The following ARFGEF1 variants were observed in gnomAD, a reference collection of about 807,000 sequenced individuals.
The protein encoded by ARFGEF1 is brefeldin A-inhibited guanine nucleotide-exchange protein 1.
ARFGEF1 carries 42 observed loss-of-function variants against 231.0 expected under a neutral mutation model. The ratio of observed to expected loss-of-function variants is 0.18; its 90% CI spans 0.14 to 0.24. The LOEUF (loss-of-function observed/expected upper bound fraction) is 0.24, where lower values mean the gene tolerates loss of function less well. ARFGEF1 is among the 10% of genes least tolerant of loss of function. The pLI, the probability that ARFGEF1 is intolerant of heterozygous loss-of-function variation, is 1.00. For missense variants in ARFGEF1, 1,345 were observed against 2,192.0 expected (o/e 0.61, Z 7.72); for synonymous variants, 710 against 732.3 (o/e 0.97, Z 0.49).
chr8:67,280,900 G>C (rs1272793947), intron 7 of ARFGEF1, among the ~76,000 whole-genome samples: 2 of 152,148 alleles, frequency 1.3e-5, no homozygotes, highest in Non-Finnish European at 2.9e-5. Flanking sequence ...GCTCAAAAGT[G>C]AAGACAAAAG....
intron 10 of ARFGEF1, among the ~76,000 whole-genome samples, chr8:67,269,685 T>G (rs767640421): frequency 6.6e-6 from 1 of 152,082 alleles, no homozygotes; most frequent in Non-Finnish European, 1.5e-5. Flanking sequence ...TGTATAACAT[T>G]TTTGAAAGTA....
chr8:67,250,515 G>T (rs1840248381), intron 19 of ARFGEF1, among the ~76,000 whole-genome samples: 1 of 152,158 alleles, frequency 6.6e-6, no homozygotes, highest in Non-Finnish European at 1.5e-5. Flanking sequence ...GAAGAGGTAG[G>T]AGTAATTACA....
At chr8:67,244,192 G>A (rs1310581444) in intron 19 of ARFGEF1, among the ~76,000 whole-genome samples, 6 of 142,878 alleles carry the variant, frequency 4.2e-5, no homozygotes, top group South Asian at 2.3e-4. Flanking sequence ...GCAATGAGCC[G>A]GGATCATGCC....
chr8:67,305,663 A>T (rs1472399713), intron 1 of ARFGEF1, among the ~76,000 whole-genome samples: 2 of 152,168 alleles, frequency 1.3e-5, no homozygotes. Context: ...TTCTAGTCTT[A>T]AACTAGTGTA....
chr8:67,227,778 C>G (rs541848460), intron 25 of ARFGEF1, among the ~76,000 whole-genome samples, 180 bp from the exon 26 acceptor site: 2 of 151,866 alleles, frequency 1.3e-5, no homozygotes, highest in African/African-American at 4.8e-5. Flanking sequence ...TATTTTAAAT[C>G]AAATTCTTAA....
intron 5 of ARFGEF1, 89 bp from the exon 6 acceptor site, chr8:67,292,212 G>A: frequency 8.9e-7 from 1 of 1,121,704 alleles, no homozygotes; most frequent in Non-Finnish European, 1.3e-6. Context: ...CTTTCTATAA[G>A]GTGCCATTCT....
chr8:67,320,651 C>T (rs956021524), intron 1 of ARFGEF1, among the ~76,000 whole-genome samples: 1 of 152,136 alleles, frequency 6.6e-6, no homozygotes, highest in Non-Finnish European at 1.5e-5. Context: ...CATCCATACA[C>T]TCAGCAGTAA....
intron 1 of ARFGEF1, among the ~76,000 whole-genome samples, chr8:67,316,489 T>G (rs1587301287): frequency 6.6e-6 from 1 of 150,848 alleles, no homozygotes; most frequent in South Asian, 2.1e-4. Flanking sequence ...TGAGACGGGG[T>G]CCACTCTGTT....
At chr8:67,290,675 A>G (rs1805968792) in intron 6 of ARFGEF1, among the ~76,000 whole-genome samples, 2 of 152,284 alleles carry the variant, frequency 1.3e-5, no homozygotes, top group South Asian at 4.1e-4. Context: ...AAAAATAAAT[A>G]AAGTCCCAGC....
chr8:67,211,410 AAAGT>A (rs1216333026), intron 34 of ARFGEF1, 69 bp downstream of exon 34: 2 of 1,223,382 alleles, frequency 1.6e-6, no homozygotes, highest in Non-Finnish European at 2.2e-6. Context: ...GTTAATAATA[AAAGT>A]AAAACCAAAA....
rs761920095 is a variant in ARFGEF1 at position 67,253,630 on chromosome 8, T to C, written c.2527-8A>G. 1.4e-6 allele frequency: 2 copies of C among 1,388,096 alleles called. No homozygotes were observed. Among genetic ancestry groups the C allele is most frequent in the Non-Finnish European group, 1.9e-6 (2 of 1,031,318 alleles). 86.0% of individuals were successfully genotyped at this position (1,388,096 alleles called of 1,614,324 possible). A position where few individuals can be genotyped will look rare whatever the true frequency, so the allele number is the denominator to read the frequency against. On this transcript the variant is annotated splice_polypyrimidine_tract_variant and splice_region_variant and intron_variant, in intron 17 of 38. Transcript: ENST00000262215. ...TGTCATTTTATTTTTCACCTAGATA[T>C]GAAAAACCATTATAATTCCTAAAAA...
At chr8:67,236,365 A>AAAAAAAATAT (rs1554638966) in intron 22 of ARFGEF1, among the ~76,000 whole-genome samples, 1 of 29,062 alleles carries the variant, frequency 3.4e-5, no homozygotes, top group Non-Finnish European at 5.9e-5. Context: ...AAAAAAAAAA[A>AAAAAAAATAT]ATATATATAT....
intron 5 of ARFGEF1, among the ~76,000 whole-genome samples, chr8:67,176,798 G>C (rs994120174): frequency 2.0e-5 from 3 of 152,094 alleles, no homozygotes; most frequent in African/African-American, 7.2e-5. Context: ...CTGGCCAGGC[G>C]TGGTGGCTCA....
At chr8:67,265,785 G>A (rs903052411) in intron 14 of ARFGEF1, among the ~76,000 whole-genome samples, 1 of 152,044 alleles carries the variant, frequency 6.6e-6, no homozygotes, top group African/African-American at 2.4e-5. Context: ...TTATAATATG[G>A]TGACAAATTA....
chr8:67,317,063 AG>A (rs1464065591), intron 1 of ARFGEF1, among the ~76,000 whole-genome samples: 2 of 152,158 alleles, frequency 1.3e-5, no homozygotes, highest in Non-Finnish European at 2.9e-5. Flanking sequence ...GGACACCCAA[AG>A]CTTGGGTAAG....
chr8:67,271,846 C>T lies in ARFGEF1; in HGVS notation c.1428G>A (p.Met476Ile). The T allele has an allele frequency of 6.2e-7, 1 of 1,613,694 alleles. No homozygotes were observed. Among genetic ancestry groups the T allele is most frequent in the Non-Finnish European group, 8.5e-7 (1 of 1,179,730 alleles). The change falls in exon 10 of 39, where the codon ATG (methionine) becomes ATA (isoleucine). Residue 476 changes from methionine (M) to isoleucine (I), a missense_variant. This residue lies in a region of ARFGEF1 where 141 missense variants were observed against 259.9 expected (regional missense o/e 0.54). Coordinates refer to ENST00000262215, the MANE Select transcript of ARFGEF1 (RefSeq NM_006421.5). ...NAGPIFRTNE[M>I]FINAIKQYLC... ...GATACTGCTTAATAGCATTAATAAA[C>T]ATCTCATTTGTCCTGAAAATAGGTC...
At chr8:67,224,640 GATTAA>G (rs768973804) in intron 29 of ARFGEF1, among the ~76,000 whole-genome samples, 3 of 152,022 alleles carry the variant, frequency 2.0e-5, no homozygotes, top group Non-Finnish European at 2.9e-5. Flanking sequence ...ATGTTTAAAG[GATTAA>G]ATTAACTTAG....
intron 34 of ARFGEF1, among the ~76,000 whole-genome samples, chr8:67,208,246 A>G (rs1227134028): frequency 1.3e-5 from 2 of 152,238 alleles, no homozygotes; most frequent in Admixed American, 6.5e-5. Context: ...CAAGTAGGAT[A>G]TGAAGAACTG....
At chr8:67,265,332 G>A (rs1804807672) in intron 14 of ARFGEF1, among the ~76,000 whole-genome samples, 1 of 152,024 alleles carries the variant, frequency 6.6e-6, no homozygotes, top group African/African-American at 2.4e-5. Context: ...AGCACACAGG[G>A]GAATTTTTAA....
Sources: gnomAD v4.1 joint callset for allele counts (sites outside exome capture counted in the v4.1 genomes callset) on GRCh38, gnomAD v4.1.1 for gene constraint, gnomAD v4.1.1 regional missense constraint, MANE v1.5 for transcripts, NCBI Gene and HGNC (gene_info 2026-07-23, HGNC 2026-07-21) for gene names.